BCL11A: variants seen among roughly 807,000 people sequenced by gnomAD.
BCL11A encodes the protein B cell CLL/lymphoma 11A.
BCL11A carries 2 observed loss-of-function variants against 55.9 expected under a neutral mutation model. The observed-to-expected ratio is 0.04, with a 90% confidence interval of 0.01 to 0.11. The LOEUF is 0.11. Among genes scored for constraint, BCL11A ranks in the 10% least tolerant of loss-of-function variants. The pLI, the probability that BCL11A is intolerant of heterozygous loss-of-function variation, is 1.00. For missense variants in BCL11A, 817 were observed against 1,137.1 expected, an observed-to-expected ratio of 0.72 and a Z score of 4.05; for synonymous variants, 465 against 473.4, an observed-to-expected ratio of 0.98 and a Z score of 0.23.
At chr2:60,453,945 A>T (rs1021058561), downstream of BCL11A, among the ~76,000 whole-genome samples, 1 of 152,118 alleles carries the variant, frequency 6.6e-6, no homozygotes, top group African/African-American at 2.4e-5. Context: ...TCTCAAGTAC[A>T]ATGACCCGTG....
At chr2:60,522,826 T>C (rs2104570425) in intron 2 of BCL11A, 1 of 152,376 alleles carries the variant, frequency 6.6e-6, no homozygotes, top group Non-Finnish European at 1.5e-5. Flanking sequence ...ATGTCTTGGA[T>C]ATACAGCTGA....
downstream of BCL11A, chr2:60,450,814 A>G (rs922899925): frequency 1.3e-5 from 2 of 152,418 alleles, no homozygotes; most frequent in East Asian, 3.8e-4. Context: ...CAGTGCACAC[A>G]TCTGTTGGTA....
At chr2:60,536,687 C>T (rs1198121601) in intron 2 of BCL11A, 1 of 152,190 alleles carries the variant, frequency 6.6e-6, no homozygotes. Flanking sequence ...TGCCTGCCAC[C>T]CCCCTGCTGG....
chr2:60,499,279 G>C (rs958030705), intron 2 of BCL11A, among the ~76,000 whole-genome samples: 5 of 152,144 alleles, frequency 3.3e-5, no homozygotes, highest in Admixed American at 2.0e-4. Context: ...AGAGCTGCAG[G>C]GGTGTGACGC....
chr2:60,487,106 G>C (rs761055310), intron 2 of BCL11A, among the ~76,000 whole-genome samples: 1 of 152,250 alleles, frequency 6.6e-6, no homozygotes, highest in Non-Finnish European at 1.5e-5. Context: ...CACAAGGCAG[G>C]AAGGGGAAGG....
At chr2:60,533,448 C>T (rs769616350) in intron 2 of BCL11A, 7 of 152,182 alleles carry the variant, frequency 4.6e-5, no homozygotes, top group African/African-American at 7.2e-5. Context: ...ACAGCCAACG[C>T]GACTGAAGCA....
At chr2:60,488,115 C>T (rs1678392356) in intron 2 of BCL11A, among the ~76,000 whole-genome samples, 1 of 152,220 alleles carries the variant, frequency 6.6e-6, no homozygotes, top group Admixed American at 6.5e-5. Context: ...TATGTAGAAA[C>T]ATTTAAATTA....
At position 60,460,527 on chromosome 2, in the gene BCL11A, C is replaced by T. The variant is rs1167205978; in HGVS notation, c.2385G>A (p.Val795=). The T allele has an allele frequency of 6.2e-7, 1 of 1,614,028 alleles. No homozygotes were observed. The highest frequency in any genetic ancestry group is 8.5e-7 in the Non-Finnish European group (1 of 1,180,038). ...LTRHMKTHGQ[V]GKDVYKCEIC... ...TTTCACATTTGTAAACGTCCTTCCCCACCTGGCCATGCGTTTTCATGTGCC... is the reference window on the plus strand; with the variant it reads ...TTTCACATTTGTAAACGTCCTTCCCTACCTGGCCATGCGTTTTCATGTGCC... Residue 795 remains valine (V), a synonymous_variant, in exon 4 of 4, where the codon GTG becomes GTA. Transcript: ENST00000642384.
chr2:60,486,573 CT>C (rs1220577424), intron 2 of BCL11A, among the ~76,000 whole-genome samples: 3 of 152,202 alleles, frequency 2.0e-5, no homozygotes, highest in African/African-American at 7.2e-5. Context: ...GACCACAGCC[CT>C]GTGATGGACA....
intron 3 of BCL11A, among the ~76,000 whole-genome samples, chr2:60,463,117 A>G (rs1470292089): frequency 6.6e-6 from 1 of 152,230 alleles, no homozygotes; most frequent in Non-Finnish European, 1.5e-5. Context: ...GTGAGTCCCA[A>G]TTTTGGTTCC....
downstream of BCL11A, chr2:60,452,945 C>T (rs374828093): frequency 1.2e-4 from 40 of 322,666 alleles, no homozygotes; most frequent in Non-Finnish European, 2.2e-4. Context: ...CTAATAAACT[C>T]GGGACACACC....
chr2:60,457,133 G>T, downstream of BCL11A: 1 of 597,076 alleles, frequency 1.7e-6, no homozygotes, highest in Non-Finnish European at 2.1e-6. Context: ...CTTAAAACCT[G>T]TTATTTTCTT....
chr2:60,496,790 T>TCA (rs1203654202), intron 2 of BCL11A, among the ~76,000 whole-genome samples: 1 of 151,980 alleles, frequency 6.6e-6, no homozygotes, highest in Non-Finnish European at 1.5e-5. Context: ...TCTCTCTCTC[T>TCA]CTCTCACTAT....
At chr2:60,507,512 G>A (rs932281688) in intron 2 of BCL11A, among the ~76,000 whole-genome samples, 1 of 152,096 alleles carries the variant, frequency 6.6e-6, no homozygotes, top group African/African-American at 2.4e-5. Context: ...CTTGTGAAGT[G>A]CTTTTACATT....
In BCL11A at chr2:60,521,269, G is replaced by A. The variant is rs531652811; in HGVS notation, c.385+24702C>T. Among the ~76,000 whole-genome samples, 9 of 152,308 alleles carry A rather than the reference G, an allele frequency of 5.9e-5. No homozygotes were observed. The South Asian group carries it at 6.2e-4, about 11-fold the overall frequency. ...AGGCACTTAGATGGCAGCTAAAAGC[G>A]CCACTCTCAGATAACTGAGTGACAC... On this transcript the variant is annotated intron_variant, in intron 2 of 3. Coordinates refer to ENST00000642384, the MANE Select transcript of BCL11A (RefSeq NM_022893.4).
intron 2 of BCL11A, among the ~76,000 whole-genome samples, chr2:60,499,305 C>T (rs1440823809): frequency 2.0e-5 from 3 of 152,190 alleles, no homozygotes; most frequent in African/African-American, 7.2e-5. Flanking sequence ...CCCAGCCATA[C>T]CCTTCTGGGC....
At position 60,462,114 on chromosome 2, in the gene BCL11A, A is replaced by G. The variant is rs1219699901; in HGVS notation, c.798T>C (p.Phe266=). The G allele has an allele frequency of 3.2e-6, 5 of 1,553,224 alleles. No homozygotes were observed. The Admixed American group carries it at 9.6e-5, about 30-fold the overall frequency. ...CCAAGTGATGTCTCGGTGGTGGACT[A>G]AACAGGGGGGGAGTGGGTGGAAAGC... The part of the protein sequence containing the change: ...EGRFPPTPPL[F]SPPPRHHLDP... Residue 266 remains phenylalanine (F), a synonymous_variant, in exon 4 of 4, where the codon TTT becomes TTC. Transcript: ENST00000642384.
chr2:60,469,852 C>T (rs896186217), intron 2 of BCL11A, among the ~76,000 whole-genome samples: 7 of 152,108 alleles, frequency 4.6e-5, no homozygotes, highest in African/African-American at 1.4e-4. Context: ...GTGCAGGAGA[C>T]GCTCTGTGTG....
intron 3 of BCL11A, among the ~76,000 whole-genome samples, chr2:60,467,939 GTGGTGGTGA>G (rs1676927985): frequency 1.9e-5 from 1 of 52,208 alleles, no homozygotes; most frequent in Non-Finnish European, 4.4e-5. Context: ...AGTGATGGTG[GTGGTGGTGA>G]TGGTACTGGT....
Sources: allele counts gnomAD v4.1 joint callset (sites outside exome capture counted in the v4.1 genomes callset), GRCh38; gene constraint gnomAD v4.1.1; transcripts MANE v1.5; gene names NCBI Gene and HGNC (gene_info 2026-07-23, HGNC 2026-07-21).